CDH13: variants seen among roughly 807,000 people sequenced by gnomAD.
The protein encoded by CDH13 is cadherin-13.
In CDH13, 24 loss-of-function variants were observed where a neutral mutation model predicts 63.8. The ratio of observed to expected loss-of-function variants is 0.38; its 90% CI spans 0.27 to 0.53. CDH13 has a LOEUF of 0.53. Among genes scored for constraint, CDH13 ranks in the 20% least tolerant of loss-of-function variants. The probability of loss-of-function intolerance (pLI) is 0.85; values close to 1 mark genes in which losing one functional copy is unlikely to be tolerated. For synonymous variants in CDH13, 503 were observed against 355.3 expected, an observed-to-expected ratio of 1.42 and a Z score of -4.67; for missense variants, 1,049 against 903.1, an observed-to-expected ratio of 1.16 and a Z score of -2.07.
At chr16:83,216,536 T>C (rs1277470225) in intron 4 of CDH13, among the ~76,000 whole-genome samples, 1 of 140,898 alleles carries the variant, frequency 7.1e-6, no homozygotes, top group African/African-American at 2.6e-5. Flanking sequence ...TAATATTTAA[T>C]ATATATAATG....
At chr16:82,860,727 G>A (rs888955205) in intron 2 of CDH13, among the ~76,000 whole-genome samples, 2 of 152,060 alleles carry the variant, frequency 1.3e-5, no homozygotes, top group Admixed American at 1.3e-4. Context: ...TATAGAGCCT[G>A]CAGATAAGGT....
chr16:83,753,951 C>CA (rs11395480), intron 11 of CDH13, among the ~76,000 whole-genome samples: 67,947 of 150,668 alleles, frequency 0.45, 16,591 homozygotes, highest in African/African-American at 0.67. Flanking sequence ...AAAAGAAAAC[C>CA]TTTTTTTTTC....
At chr16:83,535,887 G>C (rs971439582) in intron 7 of CDH13, among the ~76,000 whole-genome samples, 1 of 144,198 alleles carries the variant, frequency 6.9e-6, no homozygotes, top group African/African-American at 2.6e-5. Flanking sequence ...AAGAGAAAGA[G>C]AAACAAAGAA....
chr16:83,373,884 C>T (rs1451200922), intron 6 of CDH13, among the ~76,000 whole-genome samples: 1 of 152,132 alleles, frequency 6.6e-6, no homozygotes, highest in Non-Finnish European at 1.5e-5. Flanking sequence ...CAGAGACCAC[C>T]AGCATGGGAT....
At chr16:83,022,497 C>T (rs1020342377) in intron 2 of CDH13, among the ~76,000 whole-genome samples, 2 of 152,196 alleles carry the variant, frequency 1.3e-5, no homozygotes, top group African/African-American at 4.8e-5. Context: ...TTGAAATAAA[C>T]AACGTGTAGA....
chr16:83,257,084 A>C (rs575428689), intron 5 of CDH13, among the ~76,000 whole-genome samples: 1 of 152,102 alleles, frequency 6.6e-6, no homozygotes, highest in Non-Finnish European at 1.5e-5. Flanking sequence ...AAGGAACCAT[A>C]CAGGCACCTA....
At chr16:82,928,527 T>G (rs1464336401) in intron 2 of CDH13, among the ~76,000 whole-genome samples, 2 of 152,254 alleles carry the variant, frequency 1.3e-5, no homozygotes, top group African/African-American at 2.4e-5. Flanking sequence ...TTACTCAATA[T>G]CTGCCAATCC....
intron 1 of CDH13, among the ~76,000 whole-genome samples, chr16:82,762,991 A>G (rs1269498284): frequency 6.6e-6 from 1 of 152,168 alleles, no homozygotes; most frequent in Non-Finnish European, 1.5e-5. Flanking sequence ...ACAAAACAGG[A>G]CATTCGTGGT....
chr16:83,681,623 C>T (rs926938823), intron 10 of CDH13, among the ~76,000 whole-genome samples: 8 of 152,148 alleles, frequency 5.3e-5, no homozygotes, highest in African/African-American at 1.2e-4. Flanking sequence ...CTCCACCCCT[C>T]TCCTCTCCTG....
At chr16:82,641,231 G>A (rs1006196956) in intron 1 of CDH13, among the ~76,000 whole-genome samples, 8 of 152,190 alleles carry the variant, frequency 5.3e-5, no homozygotes, top group Admixed American at 1.3e-4. Context: ...GACCCCTGCC[G>A]TCATTAACTT....
At chr16:82,749,832 C>A (rs572884142) in intron 1 of CDH13, among the ~76,000 whole-genome samples, 1 of 152,116 alleles carries the variant, frequency 6.6e-6, no homozygotes, top group African/African-American at 2.4e-5. Context: ...TTTATGTTCA[C>A]CAGCACCTAA....
chr16:82,943,873 A>C (rs892653533), intron 2 of CDH13, among the ~76,000 whole-genome samples: 9 of 152,180 alleles, frequency 5.9e-5, no homozygotes, highest in African/African-American at 2.2e-4. Flanking sequence ...TCATTGAGGT[A>C]ACTTCACATT....
rs1272512298 is a variant in CDH13, at chr16:83,510,642, C to A, written c.960+23987C>A. On this transcript the variant is annotated intron_variant, in intron 7 of 13. Transcript: ENST00000567109. The stretch of plus-strand genomic sequence containing the variant: ...GACAGGAGACCCAGGGATCAAGACT[C>A]AAAGCTGATGCTCTCAACACCAATG... Among the ~76,000 whole-genome samples, 3 of 152,298 alleles carry A rather than the reference C, an allele frequency of 2.0e-5. No homozygotes were observed. The East Asian group carries it at 5.8e-4, about 29-fold the overall frequency.
At chr16:83,484,129 C>T (rs1272890238) in intron 6 of CDH13, among the ~76,000 whole-genome samples, 1 of 152,128 alleles carries the variant, frequency 6.6e-6, no homozygotes, top group Non-Finnish European at 1.5e-5. Flanking sequence ...GCCAGATCTT[C>T]GTTGTTTATC....
intron 5 of CDH13, among the ~76,000 whole-genome samples, chr16:83,280,056 C>T (rs1296584493): frequency 6.6e-6 from 1 of 152,118 alleles, no homozygotes; most frequent in African/African-American, 2.4e-5. Context: ...GTGGTGGTTG[C>T]TGAAGGATAG....
intron 3 of CDH13, among the ~76,000 whole-genome samples, chr16:83,059,065 G>A (rs1422335862): frequency 6.6e-6 from 1 of 152,160 alleles, no homozygotes; most frequent in African/African-American, 2.4e-5. Flanking sequence ...CTTGATCTGA[G>A]AGGTGGTCCC....
intron 1 of CDH13, among the ~76,000 whole-genome samples, chr16:82,710,593 T>TTCTA (rs1327215533): frequency 1.4e-4 from 11 of 77,628 alleles, no homozygotes; most frequent in East Asian, 3.9e-4. Flanking sequence ...ATTTCTATAT[T>TTCTA]TATAAAATAT....
intron 1 of CDH13, among the ~76,000 whole-genome samples, chr16:82,686,240 TA>T (rs1423043442): frequency 6.6e-6 from 1 of 152,212 alleles, no homozygotes; most frequent in Non-Finnish European, 1.5e-5. Flanking sequence ...CTCTTGAAAG[TA>T]AATCAGGACT....
At chr16:83,026,066 A>G (rs1915771976) in intron 2 of CDH13, among the ~76,000 whole-genome samples, 1 of 152,216 alleles carries the variant, frequency 6.6e-6, no homozygotes, top group African/African-American at 2.4e-5. Flanking sequence ...TGGTATCAAA[A>G]ATATACAAAG....
Sources: allele counts gnomAD v4.1 joint callset (sites outside exome capture counted in the v4.1 genomes callset), GRCh38; gene constraint gnomAD v4.1.1; transcripts MANE v1.5; gene names NCBI Gene and HGNC (gene_info 2026-07-23, HGNC 2026-07-21).